Variants in SNTG1 observed in about 807,000 individuals in gnomAD.
SNTG1 encodes syntrophin gamma 1, also known as gamma-1-syntrophin.
Under a neutral mutation model 74.7 loss-of-function variants are expected in SNTG1, and 39 were observed. The ratio of observed to expected loss-of-function variants is 0.52; its 90% CI spans 0.40 to 0.68. The LOEUF (loss-of-function observed/expected upper bound fraction) is 0.68. Among genes scored for constraint, SNTG1 ranks in the 30% least tolerant of loss-of-function variants. The pLI, the probability that SNTG1 is intolerant of heterozygous loss-of-function variation, is 0.00. For missense variants in SNTG1, 685 were observed against 609.5 expected, an observed-to-expected ratio of 1.12 and a Z score of -1.30; for synonymous variants, 254 against 217.1, an observed-to-expected ratio of 1.17 and a Z score of -1.49.
At chr8:50,672,141 A>G (rs750751088) in intron 15 of SNTG1, among the ~76,000 whole-genome samples, 6 of 151,594 alleles carry the variant, frequency 4.0e-5, no homozygotes, top group African/African-American at 7.3e-5. Flanking sequence ...ACATGTATAC[A>G]TATGTAACTA....
chr8:49,943,542 T>A (rs1394024270), intron 1 of SNTG1, among the ~76,000 whole-genome samples: 2 of 152,256 alleles, frequency 1.3e-5, no homozygotes, highest in East Asian at 1.9e-4. Flanking sequence ...TGTGGAAGGA[T>A]CTTTTTGTCT....
At chr8:50,153,291 T>C (rs1306336857) in intron 1 of SNTG1, among the ~76,000 whole-genome samples, 1 of 152,216 alleles carries the variant, frequency 6.6e-6, no homozygotes, top group Non-Finnish European at 1.5e-5. Context: ...CTGGTTATTC[T>C]AGTTAGCCAT....
intron 6 of SNTG1, among the ~76,000 whole-genome samples, chr8:50,450,202 C>G (rs567809309): frequency 6.6e-6 from 1 of 152,258 alleles, no homozygotes; most frequent in East Asian, 1.9e-4. Flanking sequence ...GAACTTGGAG[C>G]CAATTCCATA....
chr8:50,667,733 G>A (rs2095257553), intron 15 of SNTG1, among the ~76,000 whole-genome samples: 1 of 151,812 alleles, frequency 6.6e-6, no homozygotes, highest in African/African-American at 2.4e-5. Context: ...TGCATTTTCT[G>A]ACTATAATTA....
chr8:50,372,693 G>A (rs1289913418), intron 2 of SNTG1, among the ~76,000 whole-genome samples: 1 of 152,050 alleles, frequency 6.6e-6, no homozygotes, highest in Non-Finnish European at 1.5e-5. Flanking sequence ...TATGTAACAG[G>A]ATGGGATGAC....
intron 2 of SNTG1, among the ~76,000 whole-genome samples, chr8:50,280,460 A>G (rs931699326): frequency 2.6e-5 from 4 of 152,176 alleles, no homozygotes; most frequent in Non-Finnish European, 5.9e-5. Context: ...AAATATTTAA[A>G]GAGGTTTATT....
At chr8:50,790,907 T>C in intron 18 of SNTG1, among the ~76,000 whole-genome samples, 1 of 151,926 alleles carries the variant, frequency 6.6e-6, no homozygotes, top group East Asian at 1.9e-4. Flanking sequence ...AATAAAGAGA[T>C]GGCAGAATTA....
chr8:49,911,123 C>T (rs1805557237), upstream of SNTG1: 1 of 152,172 alleles, frequency 6.6e-6, no homozygotes, highest in Admixed American at 6.5e-5. Context: ...AATAACCTAT[C>T]GTTTCCGCGT....
At chr8:49,941,170 T>A (rs954658367) in intron 1 of SNTG1, among the ~76,000 whole-genome samples, 1 of 151,550 alleles carries the variant, frequency 6.6e-6, no homozygotes, top group Non-Finnish European at 1.5e-5. Context: ...CAAAGGGGGG[T>A]TTCCCTTTGA....
At chr8:50,615,720 T>G (rs1342722460) in intron 13 of SNTG1, among the ~76,000 whole-genome samples, 7 of 152,152 alleles carry the variant, frequency 4.6e-5, no homozygotes, top group Non-Finnish European at 7.3e-5. Context: ...CCTAGATATA[T>G]AACATGTTAA....
intron 1 of SNTG1, among the ~76,000 whole-genome samples, chr8:50,010,309 C>A (rs542768979): frequency 3.3e-5 from 5 of 152,074 alleles, no homozygotes; most frequent in Non-Finnish European, 7.4e-5. Flanking sequence ...TTCCTTGTCT[C>A]ATTTTACAGA....
chr8:50,204,416 G>A (rs947622228), intron 2 of SNTG1, among the ~76,000 whole-genome samples: 4 of 151,900 alleles, frequency 2.6e-5, no homozygotes, highest in African/African-American at 9.7e-5. Context: ...TTGCCAATGT[G>A]TCTGTACCTT....
chr8:50,169,262 C>A (rs193219415), intron 1 of SNTG1, among the ~76,000 whole-genome samples: 1 of 152,238 alleles, frequency 6.6e-6, no homozygotes, highest in East Asian at 1.9e-4. Flanking sequence ...ATGGTTGTAT[C>A]TATATTAAAA....
chr8:50,314,053 T>C (rs945194699), intron 2 of SNTG1, among the ~76,000 whole-genome samples: 6 of 149,678 alleles, frequency 4.0e-5, no homozygotes, highest in Non-Finnish European at 8.8e-5. Flanking sequence ...AGTTTCTCCA[T>C]TTAAAACACA....
At chr8:50,557,221 C>CAAA (rs570613406) in intron 12 of SNTG1, among the ~76,000 whole-genome samples, 2 of 71,628 alleles carry the variant, frequency 2.8e-5, no homozygotes, top group East Asian at 4.4e-4. Context: ...GGGAGAAAAC[C>CAAA]AAAAAAAAAA....
At chr8:50,566,313 G>C (rs1260848749) in intron 12 of SNTG1, among the ~76,000 whole-genome samples, 1 of 151,934 alleles carries the variant, frequency 6.6e-6, no homozygotes, top group Non-Finnish European at 1.5e-5. Context: ...CGGAAACTTT[G>C]AGATTAAAAC....
At chr8:50,357,070 C>T (rs1318120507) in intron 2 of SNTG1, among the ~76,000 whole-genome samples, 1 of 152,208 alleles carries the variant, frequency 6.6e-6, no homozygotes, top group African/African-American at 2.4e-5. Context: ...CCCTGGTTGG[C>T]CTTCCCTCCG....
In SNTG1 at chr8:50,125,539, A is replaced by G. The variant is rs550911432; in HGVS notation, c.-102-47022A>G. On this transcript the variant is annotated intron_variant, in intron 1 of 18. Transcript: ENST00000642720. ...AAGTTTAAATATGTAGTATTAGAAC[A>G]TGATTTTTTTAATAAGCACATAAAA... Among the ~76,000 whole-genome samples, 3 of 142,366 alleles carry G rather than the reference A, an allele frequency of 2.1e-5. 1 individual carries two copies. Among genetic ancestry groups the G allele is most frequent in the East Asian group, 4.0e-4 (2 of 4,962 alleles). 93.4% of individuals were successfully genotyped at this position (142,366 alleles called of 152,430 possible).
chr8:50,733,795 G>A (rs1319360897), intron 17 of SNTG1, among the ~76,000 whole-genome samples: 5 of 151,254 alleles, frequency 3.3e-5, no homozygotes, highest in African/African-American at 1.2e-4. Context: ...TCTTTATCAG[G>A]TGCTTAGAGT....
Sources: gnomAD v4.1 joint callset for allele counts (sites outside exome capture counted in the v4.1 genomes callset) on GRCh38, gnomAD v4.1.1 for gene constraint, MANE v1.5 for transcripts, NCBI Gene and HGNC (gene_info 2026-07-23, HGNC 2026-07-21) for gene names.